OSBPL9: variants seen among roughly 807,000 people sequenced by gnomAD.
The protein encoded by OSBPL9 is oxysterol binding protein like 9.
A neutral mutation model predicts 106.6 loss-of-function variants in OSBPL9; 40 were observed. The observed-to-expected ratio is 0.38, with a 90% CI of 0.29 to 0.49. OSBPL9 has a LOEUF of 0.49. Among genes scored for constraint, OSBPL9 ranks in the 20% least tolerant of loss-of-function variants. The probability of loss-of-function intolerance (pLI) is 0.97; values close to 1 mark genes in which losing one functional copy is unlikely to be tolerated. For synonymous variants in OSBPL9, 269 were observed against 295.4 expected (o/e 0.91, Z 0.92); for missense variants, 609 against 887.2 (o/e 0.69, Z 3.98).
chr1:51,596,515 C>T (rs1410295164), intron 1 of OSBPL9, among the ~76,000 whole-genome samples: 15 of 144,114 alleles, frequency 1.0e-4, no homozygotes, highest in East Asian at 4.1e-4. Flanking sequence ...GCCGAGAGCA[C>T]GCCACTGCAC....
At chr1:51,525,853 G>A in the OSBPL9 span, among the ~76,000 whole-genome samples, 4 of 152,200 alleles carry the variant, frequency 2.6e-5, no homozygotes, top group South Asian at 2.1e-4. Flanking sequence ...GGGCTTAAGC[G>A]ATCCTCTTGC....
intron 4 of OSBPL9, among the ~76,000 whole-genome samples, chr1:51,742,881 G>C (rs1411031263): frequency 2.0e-5 from 3 of 152,152 alleles, no homozygotes. Context: ...GAAGTAGTGG[G>C]TTTCTCATCT....
intron 3 of OSBPL9, among the ~76,000 whole-genome samples, chr1:51,686,037 A>T (rs750424115): frequency 3.3e-5 from 5 of 152,154 alleles, no homozygotes; most frequent in Non-Finnish European, 7.4e-5. Context: ...TTGAATATGG[A>T]TGATTTAAAT....
Position 51,782,968 on chromosome 1 carries a change from G to A in OSBPL9, c.1513+325G>A, listed in dbSNP as rs868580782. 3.7e-4 allele frequency among the ~76,000 whole-genome samples: 57 copies of A among 152,088 alleles called. 1 individual carries two copies. The highest frequency in any genetic ancestry group is 1.4e-3 in the African/African-American group (57 of 41,400). ...AGACAGTTTATATAAGTGATACGTA[G>A]TTTCTACACAGTATATTCCTGGCAT... On this transcript the variant is annotated intron_variant, in intron 17 of 23. Coordinates refer to ENST00000428468, the MANE Select transcript of OSBPL9 (RefSeq NM_024586.6).
intron 21 of OSBPL9, 116 bp from the exon 22 acceptor site, chr1:51,786,410 C>G (rs1677641248): frequency 1.5e-6 from 1 of 646,580 alleles, no homozygotes; most frequent in Admixed American, 2.7e-5. Context: ...ACAGGAGGAG[C>G]CAGTTAACTG....
At chr1:51,745,683 G>T in intron 5 of OSBPL9, 52 bp downstream of exon 5, 1 of 1,417,790 alleles carries the variant, frequency 7.1e-7, no homozygotes, top group Non-Finnish European at 9.2e-7. Context: ...ATGTTACTGA[G>T]CTTGATTTTT....
intron 3 of OSBPL9, among the ~76,000 whole-genome samples, chr1:51,672,905 G>A (rs1241471361): frequency 6.6e-6 from 1 of 152,146 alleles, no homozygotes; most frequent in Admixed American, 6.5e-5. Context: ...CCACCAAATA[G>A]GCAAATGGAG....
At chr1:51,756,788 G>T (rs1265615139) in intron 9 of OSBPL9, 1 of 159,506 alleles carries the variant, frequency 6.3e-6, no homozygotes, top group Non-Finnish European at 1.4e-5. Context: ...TAGTTTTTGT[G>T]TATGTGTTAA....
At chr1:51,726,257 G>A (rs1663098920) in intron 4 of OSBPL9, among the ~76,000 whole-genome samples, 1 of 152,080 alleles carries the variant, frequency 6.6e-6, no homozygotes. Flanking sequence ...AGTTTTCCCT[G>A]TGACCTCACT....
chr1:51,716,994 T>G (rs981927013), intron 4 of OSBPL9, among the ~76,000 whole-genome samples: 2 of 152,256 alleles, frequency 1.3e-5, no homozygotes, highest in East Asian at 3.9e-4. Flanking sequence ...ATGTCCTTTT[T>G]TTTTTTGACA....
At chr1:51,526,664 T>C in the OSBPL9 span, among the ~76,000 whole-genome samples, 17,066 of 152,140 alleles carry the variant, frequency 0.11, 1,345 homozygotes, top group South Asian at 0.34. Context: ...CTTACTGTTT[T>C]CCATTGATGG....
chr1:51,524,876 G>C, the OSBPL9 span, among the ~76,000 whole-genome samples: 1 of 152,290 alleles, frequency 6.6e-6, no homozygotes, highest in Non-Finnish European at 1.5e-5. Context: ...TGCACTCATG[G>C]CTGCAGGTTC....
intron 2 of OSBPL9, among the ~76,000 whole-genome samples, chr1:51,663,643 A>G (rs1647675571): frequency 6.6e-6 from 1 of 152,236 alleles, no homozygotes; most frequent in Non-Finnish European, 1.5e-5. Context: ...TGTAAAGTCA[A>G]TACACTGTCC....
At chr1:51,776,281 A>G (rs188429440) in intron 14 of OSBPL9, among the ~76,000 whole-genome samples, 2 of 152,276 alleles carry the variant, frequency 1.3e-5, no homozygotes, top group Admixed American at 6.5e-5. Flanking sequence ...TGTATTTCCT[A>G]TACACTTGTC....
At chr1:51,524,851 A>G in the OSBPL9 span, among the ~76,000 whole-genome samples, 7 of 152,234 alleles carry the variant, frequency 4.6e-5, no homozygotes, top group Non-Finnish European at 1.0e-4. Context: ...AAGGAACACC[A>G]TAGGAAAGAA....
intron 3 of OSBPL9, among the ~76,000 whole-genome samples, chr1:51,708,310 G>T (rs1659055940): frequency 7.0e-6 from 1 of 143,128 alleles, no homozygotes; most frequent in African/African-American, 2.6e-5. Flanking sequence ...TTCCACTATG[G>T]TTAGAGAATA....
At chr1:51,696,387 C>T (rs774177399) in intron 3 of OSBPL9, among the ~76,000 whole-genome samples, 1 of 152,162 alleles carries the variant, frequency 6.6e-6, no homozygotes, top group Non-Finnish European at 1.5e-5. Flanking sequence ...AGTGACTGAG[C>T]ACAGTCCTCT....
chr1:51,656,497 G>A (rs1275296401), intron 2 of OSBPL9, among the ~76,000 whole-genome samples: 2 of 152,000 alleles, frequency 1.3e-5, no homozygotes, highest in Non-Finnish European at 2.9e-5. Flanking sequence ...TATCATGGAA[G>A]TTCTGCACCC....
At chr1:51,563,923 G>T in the OSBPL9 span, among the ~76,000 whole-genome samples, 17 of 151,422 alleles carry the variant, frequency 1.1e-4, no homozygotes, top group South Asian at 2.3e-3. Context: ...CTACCCCAAA[G>T]AACTTTAAAA....
Sources: allele counts gnomAD v4.1 joint callset (sites outside exome capture counted in the v4.1 genomes callset), GRCh38; gene constraint gnomAD v4.1.1; transcripts MANE v1.5; gene names NCBI Gene and HGNC (gene_info 2026-07-23, HGNC 2026-07-21).